Variants in BMERB1 observed in about 807,000 individuals in gnomAD.
BMERB1 encodes the protein bMERB domain containing 1, also known as bMERB domain-containing protein 1.
A neutral mutation model predicts 23.6 loss-of-function variants in BMERB1; 12 were observed. The observed-to-expected ratio is 0.51, with a 90% CI of 0.33 to 0.82. The LOEUF is 0.82. BMERB1 is among the 40% of genes least tolerant of loss of function. The pLI is 0.03. For missense variants in BMERB1, 247 were observed against 255.4 expected, an observed-to-expected ratio of 0.97 and a Z score of 0.22; for synonymous variants, 122 against 96.6, an observed-to-expected ratio of 1.26 and a Z score of -1.54.
chr16:15,560,195 C>A (rs1007036867), intron 2 of BMERB1, among the ~76,000 whole-genome samples: 1 of 152,192 alleles, frequency 6.6e-6, no homozygotes, highest in African/African-American at 2.4e-5. Flanking sequence ...AGCTCCACCT[C>A]GCTTGTCAAT....
Position 15,586,995 on chromosome 16 carries a change from G to A in BMERB1, c.*166G>A. 1.7e-6 allele frequency: 1 copy of A among 597,718 alleles called. No homozygotes were observed. Among genetic ancestry groups the A allele is most frequent in the Non-Finnish European group, 3.0e-6 (1 of 335,788 alleles). The allele number at this position is 597,718 out of a possible 1,614,324, so 37.0% of individuals were successfully genotyped here. ...CACGGCAGGCGGGCCTGGCCACCCT[G>A]TACAGAGTGTAGCAGTAGGGAGTCT... is the stretch of plus-strand genomic sequence containing the variant. On this transcript the variant is annotated 3_prime_UTR_variant, in exon 6 of 6. Coordinates refer to ENST00000300006, the MANE Select transcript of BMERB1 (RefSeq NM_033201.3).
chr16:15,567,111 A>G (rs2030590621), intron 2 of BMERB1, among the ~76,000 whole-genome samples: 1 of 152,116 alleles, frequency 6.6e-6, no homozygotes, highest in Non-Finnish European at 1.5e-5. Context: ...GGATCCCTTG[A>G]GCCCAGGAGT....
chr16:15,553,967 T>C (rs1339184398), intron 2 of BMERB1, among the ~76,000 whole-genome samples: 1 of 152,102 alleles, frequency 6.6e-6, no homozygotes, highest in African/African-American at 2.4e-5. Context: ...TTAAGGTTCT[T>C]TACAACGCAG....
chr16:15,478,053 G>T (rs768209762), intron 1 of BMERB1, among the ~76,000 whole-genome samples: 36 of 152,126 alleles, frequency 2.4e-4, no homozygotes, highest in South Asian at 2.1e-4. Flanking sequence ...TGAGTCAAAT[G>T]CATTGACCTT....
intron 1 of BMERB1, among the ~76,000 whole-genome samples, chr16:15,491,880 C>G (rs553163779): frequency 6.6e-6 from 1 of 152,340 alleles, no homozygotes; most frequent in African/African-American, 2.4e-5. Flanking sequence ...GCATTTTACT[C>G]TCTTCCTAGC....
intron 2 of BMERB1, among the ~76,000 whole-genome samples, chr16:15,523,626 C>T (rs1199630368): frequency 2.0e-5 from 3 of 152,166 alleles, no homozygotes; most frequent in Non-Finnish European, 4.4e-5. Context: ...ACTGTGTGGC[C>T]TGGAGCAAAT....
At chr16:15,521,332 C>T (rs1338155597) in intron 2 of BMERB1, among the ~76,000 whole-genome samples, 4 of 152,198 alleles carry the variant, frequency 2.6e-5, no homozygotes, top group African/African-American at 9.7e-5. Flanking sequence ...TGAAGTCAGT[C>T]TGCTGGGAAT....
intron 1 of BMERB1, among the ~76,000 whole-genome samples, chr16:15,448,268 G>T (rs2051008601): frequency 6.6e-6 from 1 of 152,166 alleles, no homozygotes; most frequent in Admixed American, 6.5e-5. Context: ...GGATAAGAAG[G>T]TCAGCTAGGA....
intron 1 of BMERB1, among the ~76,000 whole-genome samples, chr16:15,509,444 C>T (rs942931133): frequency 7.9e-5 from 12 of 152,024 alleles, no homozygotes; most frequent in African/African-American, 2.9e-4. Flanking sequence ...AGAGTCATCT[C>T]AGTAAAATAG....
rs1254108679 is a variant in BMERB1, at chr16:15,547,358, A to T, written c.231-20625A>T. 2.7e-4 allele frequency among the ~76,000 whole-genome samples: 29 copies of T among 109,188 alleles called. No homozygotes were observed. The South Asian group carries it at 3.8e-3, about 14-fold the overall frequency. The allele number at this position is 109,188 out of a possible 152,430, so 71.6% of individuals were successfully genotyped here. A position where few individuals can be genotyped will look rare whatever the true frequency, so the allele number is the denominator to read the frequency against. On this transcript the variant is annotated intron_variant, in intron 2 of 5. Transcript: ENST00000300006. ...TTTTCTTCTTCTTTTTTTTTTTTTT[A>T]GTGACAGAGTTTTGCTCTTGTCGCC...
chr16:15,571,451 G>A (rs540256638), intron 3 of BMERB1, among the ~76,000 whole-genome samples: 9 of 151,264 alleles, frequency 5.9e-5, no homozygotes, highest in Non-Finnish European at 1.3e-4. Context: ...TCCGCCTCCC[G>A]GGTTCATGCC....
At chr16:15,462,137 C>CGTT (rs2051140678) in intron 1 of BMERB1, among the ~76,000 whole-genome samples, 1 of 56,932 alleles carries the variant, frequency 1.8e-5, no homozygotes, top group African/African-American at 7.9e-5. Flanking sequence ...GATGTCCTGC[C>CGTT]TTTTTTTTTT....
chr16:15,566,781 A>G (rs2030577193), intron 2 of BMERB1, among the ~76,000 whole-genome samples: 1 of 152,254 alleles, frequency 6.6e-6, no homozygotes, highest in African/African-American at 2.4e-5. Flanking sequence ...ATATGGAAAG[A>G]TGATCAAGAC....
chr16:15,483,523 A>C (rs185314588), intron 1 of BMERB1, among the ~76,000 whole-genome samples: 1 of 152,140 alleles, frequency 6.6e-6, no homozygotes, highest in African/African-American at 2.4e-5. Flanking sequence ...GGGGTTATAG[A>C]TGTCCACCAC....
At chr16:15,436,582 C>T (rs2050890187) in intron 1 of BMERB1, among the ~76,000 whole-genome samples, 1 of 151,972 alleles carries the variant, frequency 6.6e-6, no homozygotes, top group Admixed American at 6.6e-5. Context: ...TTTAAATGTA[C>T]AATAAATTGT....
chr16:15,572,950 G>A (rs1022104082), intron 3 of BMERB1, among the ~76,000 whole-genome samples: 1 of 152,194 alleles, frequency 6.6e-6, no homozygotes, highest in African/African-American at 2.4e-5. Flanking sequence ...CTGCTGCCAA[G>A]TAAGACGTGC....
At chr16:15,439,016 A>T (rs759530187) in intron 1 of BMERB1, among the ~76,000 whole-genome samples, 1 of 152,240 alleles carries the variant, frequency 6.6e-6, no homozygotes, top group South Asian at 2.1e-4. Context: ...CACACATTTT[A>T]AAATATTTTA....
intron 1 of BMERB1, among the ~76,000 whole-genome samples, chr16:15,455,185 G>A (rs2051074637): frequency 6.6e-6 from 1 of 151,648 alleles, no homozygotes; most frequent in South Asian, 2.1e-4. Flanking sequence ...TTAGCCGGGC[G>A]TGGTGGCGTG....
chr16:15,509,680 C>T (rs747799946), intron 1 of BMERB1, among the ~76,000 whole-genome samples: 2 of 152,146 alleles, frequency 1.3e-5, no homozygotes, highest in African/African-American at 4.8e-5. Flanking sequence ...CCGCTGGGAC[C>T]CCTGCTGCTT....
Sources: allele counts gnomAD v4.1 joint callset (sites outside exome capture counted in the v4.1 genomes callset), GRCh38; gene constraint gnomAD v4.1.1; transcripts MANE v1.5; gene names NCBI Gene and HGNC (gene_info 2026-07-23, HGNC 2026-07-21).